The following LRPPRC variants were observed in gnomAD, a reference collection of about 807,000 sequenced individuals.
LRPPRC encodes the protein leucine rich pentatricopeptide repeat containing.
In LRPPRC, 120 loss-of-function variants were observed where a neutral mutation model predicts 180.3. The ratio of observed to expected loss-of-function variants is 0.67; its 90% CI spans 0.57 to 0.77. The LOEUF is 0.77. Among genes scored for constraint, LRPPRC ranks in the 30% least tolerant of loss-of-function variants. The probability of loss-of-function intolerance (pLI) is 0.00; values close to 1 mark genes in which losing one functional copy is unlikely to be tolerated. For missense variants in LRPPRC, 2,012 were observed against 1,657.2 expected (o/e 1.21, Z -3.72); for synonymous variants, 723 against 600.0 (o/e 1.21, Z -3.00).
At chr2:43,963,733 A>G (rs750663505) in intron 11 of LRPPRC, 27 bp from the exon 12 acceptor site, 2 of 1,149,740 alleles carry the variant, frequency 1.7e-6, no homozygotes, top group South Asian at 2.4e-5. Context: ...AGAAGCACAG[A>G]GATAGAGAAC....
At chr2:43,951,124 G>C (rs1257799390) in intron 14 of LRPPRC, among the ~76,000 whole-genome samples, 1 of 152,186 alleles carries the variant, frequency 6.6e-6, no homozygotes, top group African/African-American at 2.4e-5. Context: ...CTACATAATG[G>C]AGAAATCCCA....
At chr2:43,956,132 AAAAAC>A (rs1009260425) in intron 14 of LRPPRC, among the ~76,000 whole-genome samples, 11 of 152,292 alleles carry the variant, frequency 7.2e-5, no homozygotes, top group South Asian at 6.2e-4. Context: ...TGGGCTCTTA[AAAAAC>A]AAAACAAAAC....
At chr2:43,987,148 C>A (rs1039773084) in intron 1 of LRPPRC, among the ~76,000 whole-genome samples, 3 of 152,078 alleles carry the variant, frequency 2.0e-5, no homozygotes, top group Non-Finnish European at 2.9e-5. Context: ...ACTGCTGGAG[C>A]CTCCCGAGTT....
At position 43,982,620 on chromosome 2, in the gene LRPPRC, CACAT is replaced by C. The variant is rs370576698; in HGVS notation, c.150-190_150-187del. Among the ~76,000 whole-genome samples the C allele has an allele frequency of 4.5e-4, 69 of 152,274 alleles. 1 individual carries two copies. Among genetic ancestry groups the C allele is most frequent in the African/African-American group, 1.6e-3 (68 of 41,566 alleles). On this transcript the variant is annotated intron_variant, in intron 1 of 37. Transcript: ENST00000260665. The stretch of plus-strand genomic sequence containing the variant: ...TTTACTTTAGATAAAATCATATACA[CACAT>C]ACATAAACTATATGCACAGTAAATC...
At chr2:43,992,207 G>C (rs1057057255) in intron 1 of LRPPRC, among the ~76,000 whole-genome samples, 2 of 152,146 alleles carry the variant, frequency 1.3e-5, no homozygotes, top group African/African-American at 4.8e-5. Context: ...CCTGACTAAG[G>C]GGGAAGGGGA....
At chr2:43,974,571 A>T in intron 8 of LRPPRC, 43 bp downstream of exon 8, 2 of 1,313,998 alleles carry the variant, frequency 1.5e-6, no homozygotes, top group Non-Finnish European at 2.2e-6. Context: ...ATAGCAATTC[A>T]GATTTTTATA....
chr2:43,929,897 G>A (rs1028374151), intron 25 of LRPPRC, among the ~76,000 whole-genome samples: 1 of 152,026 alleles, frequency 6.6e-6, no homozygotes, highest in African/African-American at 2.4e-5. Flanking sequence ...ACAAAAGGGG[G>A]TATATATTTA....
Position 43,944,624 on chromosome 2 carries a change from T to C in LRPPRC, c.2296+708A>G, listed in dbSNP as rs548859837. Reference sequence around the variant, plus strand: ...GATTTTCTCCATACATTTTTCCCTATAATAAAATTAAAACAATCTTTTCTG... The same window carrying C: ...GATTTTCTCCATACATTTTTCCCTACAATAAAATTAAAACAATCTTTTCTG... On this transcript the variant is annotated intron_variant, in intron 22 of 37. Transcript: ENST00000260665. 5.9e-5 allele frequency among the ~76,000 whole-genome samples: 9 copies of C among 152,138 alleles called. No individual in the cohort carries two copies. In the South Asian group the frequency reaches 1.9e-3, roughly 31 times the overall value.
intron 11 of LRPPRC, among the ~76,000 whole-genome samples, chr2:43,969,120 A>G (rs1484788151): frequency 1.3e-5 from 2 of 152,230 alleles, no homozygotes; most frequent in African/African-American, 4.8e-5. Flanking sequence ...TGAGTAAGAA[A>G]CCAAGTCTCA....
rs772045178 is a variant in LRPPRC at position 43,977,265 on chromosome 2, C to A, written c.481G>T (p.Asp161Tyr). ...DTLQKLGAVY[D>Y]VSHYNALLKV... ...AGTAAAGCATTATAGTGACTCACAT[C>A]ATACACAGCACCTACAAATGAAATT... The change falls in exon 4 of 38, where the codon GAT becomes TAT. Residue 161 changes from aspartate to tyrosine, a missense_variant. By Grantham distance (160) the Asp-to-Tyr change is radical (BLOSUM62 -3). Transcript: ENST00000260665. 2.5e-6 allele frequency: 4 copies of A among 1,600,742 alleles called. No homozygotes were observed. The highest frequency in any genetic ancestry group is 1.7e-5 in the Admixed American group (1 of 59,958).
At chr2:43,963,302 G>C (rs949329478) in intron 12 of LRPPRC, among the ~76,000 whole-genome samples, 2 of 152,132 alleles carry the variant, frequency 1.3e-5, no homozygotes, top group African/African-American at 4.8e-5. Flanking sequence ...AAATTAGCTA[G>C]CCATGGTGGC....
chr2:43,928,942 T>C (rs1377370788), intron 25 of LRPPRC, among the ~76,000 whole-genome samples: 3 of 152,154 alleles, frequency 2.0e-5, no homozygotes, highest in Non-Finnish European at 2.9e-5. Context: ...GTCTTAGCAA[T>C]AGCAAATAGT....
At position 43,890,419 on chromosome 2, in the gene LRPPRC, C is replaced by A. The variant is rs182450828; in HGVS notation, c.3986-543G>T. The A allele has an allele frequency of 6.2e-4, 282 of 457,432 alleles. 1 individual carries two copies. The highest frequency in any genetic ancestry group is 2.0e-3 in the East Asian group (29 of 14,320). 28.3% of individuals were successfully genotyped at this position (457,432 alleles called of 1,614,324 possible). A position where few individuals can be genotyped will look rare whatever the true frequency, so the allele number is the denominator to read the frequency against. On this transcript the variant is annotated intron_variant, in intron 36 of 37. Transcript: ENST00000260665. ...AGTTAGCTACAATGATACACACACA[C>A]AAAAAACCTATAGGCCGGGCGCAGT...
Position 43,981,378 on chromosome 2 carries a change from A to T in LRPPRC, c.346+860T>A, listed in dbSNP as rs553621907. ...ATTTTCTGATATGGAATAAACATCT[A>T]GACCAGGTATGGTGGCCCACGTCTG... On this transcript the variant is annotated intron_variant, in intron 2 of 37. Transcript: ENST00000260665. Among the ~76,000 whole-genome samples, 14 of 152,332 alleles carry T rather than the reference A, an allele frequency of 9.2e-5. No individual in the cohort carries two copies. In the East Asian group the frequency reaches 2.7e-3, roughly 29 times the overall value.
intron 1 of LRPPRC, among the ~76,000 whole-genome samples, chr2:43,985,106 TC>T (rs1223031620): frequency 6.6e-6 from 1 of 151,416 alleles, no homozygotes; most frequent in African/African-American, 2.4e-5. Context: ...TAAGCAGGCT[TC>T]CATGGGACCC....
At chr2:43,923,574 C>T (rs1474866587) in intron 27 of LRPPRC, among the ~76,000 whole-genome samples, 1 of 152,176 alleles carries the variant, frequency 6.6e-6, no homozygotes, top group Non-Finnish European at 1.5e-5. Flanking sequence ...TAGACTACCA[C>T]ATACTTACAG....
At chr2:43,912,590 T>A (rs1671304755) in intron 29 of LRPPRC, 32 bp from the exon 30 acceptor site, 1 of 1,590,338 alleles carries the variant, frequency 6.3e-7, no homozygotes, top group African/African-American at 1.3e-5. Flanking sequence ...AAAAATGAGA[T>A]GACATTATTC....
rs1018162691 is a variant in LRPPRC at position 43,991,037 on chromosome 2, T to C, written c.149+4762A>G. ...ACTTATGTATAGATACTTTTATTTTTTTTTTTTTTTGAGATGGGGTCTCAC... is the reference window on the plus strand; with the variant it reads ...ACTTATGTATAGATACTTTTATTTTCTTTTTTTTTTGAGATGGGGTCTCAC... On this transcript the variant is annotated intron_variant, in intron 1 of 37. Transcript: ENST00000260665. 2.3e-4 allele frequency among the ~76,000 whole-genome samples: 34 copies of C among 150,668 alleles called. 1 individual carries two copies. The highest frequency in any genetic ancestry group is 6.1e-4 in the African/African-American group (25 of 41,216).
chr2:43,945,167 T>G (rs1308063702), intron 22 of LRPPRC, among the ~76,000 whole-genome samples, 165 bp downstream of exon 22: 1 of 152,154 alleles, frequency 6.6e-6, no homozygotes, highest in Non-Finnish European at 1.5e-5. Flanking sequence ...CCATTAAAAC[T>G]AATGGCCTAC....
Sources: gnomAD v4.1 joint callset for allele counts (sites outside exome capture counted in the v4.1 genomes callset) on GRCh38, gnomAD v4.1.1 for gene constraint, MANE v1.5 for transcripts, NCBI Gene and HGNC (gene_info 2026-07-23, HGNC 2026-07-21) for gene names.